The following HOXB6 variants were observed in gnomAD, a reference collection of about 807,000 sequenced individuals.
The protein encoded by HOXB6 is homeobox protein Hox-B6.
In HOXB6, 18 loss-of-function variants were observed where a neutral mutation model predicts 24.2. That is an observed-to-expected ratio of 0.74 (90% CI 0.51 to 1.10). The LOEUF (loss-of-function observed/expected upper bound fraction) is 1.10, where lower values mean the gene tolerates loss of function less well. Ranked by LOEUF, HOXB6 falls within the 50% of genes least tolerant of loss-of-function variation. The pLI, the probability that HOXB6 is intolerant of heterozygous loss-of-function variation, is 0.00. For missense variants in HOXB6, 332 were observed against 308.3 expected, an observed-to-expected ratio of 1.08 and a Z score of -0.58; for synonymous variants, 159 against 139.1, an observed-to-expected ratio of 1.14 and a Z score of -1.01.
Position 48,595,804 on chromosome 17 carries a change from T to TATC in HOXB6, c.*606_*608dup, listed in dbSNP as rs35307473. On this transcript the variant is annotated 3_prime_UTR_variant, in exon 4 of 4. Transcript: ENST00000225648. ...TTGTTGTTGTTATTATTATTATTAT[T>TATC]ATCATCATCATCATCATCATCATCA... 0.21 allele frequency: 40,472 copies of TATC among 190,436 alleles called. 4,873 individuals carry two copies. The highest frequency in any genetic ancestry group is 0.26 in the Non-Finnish European group (22,904 of 88,978). The allele number at this position is 190,436 out of a possible 1,614,324, so 11.8% of individuals were successfully genotyped here. A position where few individuals can be genotyped will look rare whatever the true frequency, so the allele number is the denominator to read the frequency against.
chr17:48,600,501 G>T (rs755818032), intron 2 of HOXB6: 1 of 455,906 alleles, frequency 2.2e-6, no homozygotes, highest in Non-Finnish European at 4.4e-6. Flanking sequence ...CTGGAGTCGG[G>T]CATGAAAGAA....
chr17:48,602,155 G>A (rs1035398508), intron 2 of HOXB6: 1 of 456,052 alleles, frequency 2.2e-6, no homozygotes, highest in South Asian at 1.5e-5. Flanking sequence ...CAGAAAATTC[G>A]GTTCAATTCC....
chr17:48,600,216 C>T (rs926143454), intron 2 of HOXB6, among the ~76,000 whole-genome samples: 2 of 152,086 alleles, frequency 1.3e-5, no homozygotes, highest in Non-Finnish European at 2.9e-5. Flanking sequence ...GGAGAGAGTA[C>T]CTGCATGCAC....
Position 48,597,736 on chromosome 17 carries a change from T to A in HOXB6, c.415A>T (p.Ser139Cys). Residue 139 changes from serine (S) to cysteine (C), a missense_variant and splice_region_variant, in exon 3 of 4, where the codon AGT (serine) becomes TGT (cysteine). Coordinates refer to ENST00000225648, the MANE Select transcript of HOXB6 (RefSeq NM_018952.5). ...PWMQRMNSCN[S>C]SSFGPSGRRG... ...GACGGCGACGGGAAGTCTCACTCAC[T>A]GTTGCACGAATTCATCCGCTGCATC... The A allele has an allele frequency of 1.2e-6, 2 of 1,612,696 alleles. No homozygotes were observed. Among genetic ancestry groups the A allele is most frequent in the Non-Finnish European group, 1.7e-6 (2 of 1,179,472 alleles).
intron 2 of HOXB6, chr17:48,600,599 G>C (rs1464747838): frequency 6.6e-6 from 3 of 452,220 alleles, no homozygotes; most frequent in Non-Finnish European, 1.3e-5. Context: ...AAGAGCAGGC[G>C]GGCAGGGCAG....
intron 2 of HOXB6, 142 bp downstream of exon 2, chr17:48,604,338 G>C (rs1007706392): frequency 1.3e-5 from 2 of 152,284 alleles, no homozygotes; most frequent in South Asian, 4.1e-4. Flanking sequence ...TGAATTTCCT[G>C]GGAAGCTTCT....
intron 3 of HOXB6, 66 bp downstream of exon 3, chr17:48,597,670 T>A (rs2070341213): frequency 6.5e-7 from 1 of 1,528,598 alleles, no homozygotes; most frequent in Non-Finnish European, 9.0e-7. Flanking sequence ...GGGCGCTCAC[T>A]AGTTCTGTGT....
At chr17:48,600,500 G>A (rs1380689701) in intron 2 of HOXB6, 1 of 455,898 alleles carries the variant, frequency 2.2e-6, no homozygotes, top group Middle Eastern at 3.4e-4. Flanking sequence ...CCTGGAGTCG[G>A]GCATGAAAGA....
In HOXB6 at chr17:48,598,101, C is replaced by T. The variant is rs2070364838; in HGVS notation, c.50G>A (p.Gly17Glu). The T allele has an allele frequency of 6.2e-7, 1 of 1,600,778 alleles. No individual in the cohort carries two copies. The highest frequency in any genetic ancestry group is 1.3e-5 in the African/African-American group (1 of 74,816). The change falls in exon 3 of 4, where the codon GGG becomes GAG. Residue 17 changes from glycine to glutamate, a missense_variant. Gly to Glu is a moderately conservative substitution (Grantham distance 98). Transcript: ENST00000225648. ...TAGCTGGCCCAGGAAGGACTCCTGCCCGCTGGCCAGAGTGACGGGGAAGGT... is the reference window on the plus strand; with the variant it reads ...TAGCTGGCCCAGGAAGGACTCCTGCTCGCTGGCCAGAGTGACGGGGAAGGT... ...NSTFPVTLAS[G>E]QESFLGQLPL...
intron 2 of HOXB6, chr17:48,601,476 A>G (rs2070461009): frequency 6.6e-6 from 1 of 152,482 alleles, no homozygotes; most frequent in Non-Finnish European, 1.5e-5. Flanking sequence ...ACCATGTACC[A>G]GCTTGACTTC....
intron 2 of HOXB6, among the ~76,000 whole-genome samples, chr17:48,603,389 A>C (rs2070514623): frequency 6.6e-6 from 1 of 152,194 alleles, no homozygotes; most frequent in Non-Finnish European, 1.5e-5. Context: ...ACTGAGGGAT[A>C]AAATTGGACA....
intron 2 of HOXB6, among the ~76,000 whole-genome samples, chr17:48,599,552 T>G (rs926392592): frequency 6.6e-6 from 1 of 152,218 alleles, no homozygotes; most frequent in African/African-American, 2.4e-5. Context: ...CCCTTCTGTC[T>G]GTATCTCAGC....
chr17:48,600,299 A>G (rs933997105), intron 2 of HOXB6: 3 of 366,220 alleles, frequency 8.2e-6, no homozygotes, highest in African/African-American at 2.1e-5. Context: ...CAATGTCTCC[A>G]TCCTAGCACT....
chr17:48,598,170 G>C lies in HOXB6; in HGVS notation c.-20C>G. The C allele has an allele frequency of 1.3e-6, 2 of 1,558,908 alleles. No homozygotes were observed. Among genetic ancestry groups the C allele is most frequent in the Non-Finnish European group, 1.7e-6 (2 of 1,149,502 alleles). On this transcript the variant is annotated 5_prime_UTR_variant, in exon 3 of 4. Transcript: ENST00000225648. The stretch of plus-strand genomic sequence containing the variant: ...ACTCATTGGGAGGGGAGGCGCGCGC[G>C]GCCGCTGCTGCTCCGCCGGGTTTAT...
In HOXB6 at chr17:48,596,089, C is replaced by T. The variant is rs1221090580; in HGVS notation, c.*324G>A. ...TGGACAAAATGAGACGCGACAGGGA[C>T]AAGAGCATTTTGCTCTGCTTCCAGG... On this transcript the variant is annotated 3_prime_UTR_variant, in exon 4 of 4. Transcript: ENST00000225648. This position sits in a 1 kb window ranked among gnomAD's most constrained non-coding sequence, Gnocchi z 4.8. 1 of 546,840 alleles carries T rather than the reference C, an allele frequency of 1.8e-6. No homozygotes were observed. The highest frequency in any genetic ancestry group is 3.5e-6 in the Non-Finnish European group (1 of 285,834). The allele number at this position is 546,840 out of a possible 1,614,324, so 33.9% of individuals were successfully genotyped here. A position where few individuals can be genotyped will look rare whatever the true frequency, so the allele number is the denominator to read the frequency against.
At chr17:48,600,671 C>T (rs1167609556) in intron 2 of HOXB6, 16 of 385,716 alleles carry the variant, frequency 4.1e-5, no homozygotes, top group African/African-American at 1.5e-4. Flanking sequence ...TTCGGTCCAC[C>T]GCCCTCTGTC....
chr17:48,596,187 G>GA lies in HOXB6; in HGVS notation c.*225dup, dbSNP rs1401431265. On this transcript the variant is annotated 3_prime_UTR_variant, in exon 4 of 4. Transcript: ENST00000225648. This position sits in a 1 kb window ranked among gnomAD's most constrained non-coding sequence, Gnocchi z 4.8. ...AGGCTGAGGCGAGTTCCTCGGGAAG[G>GA]AAGGGCGCGCGGGATGCTGGGTGGG... 1 of 711,188 alleles carries GA rather than the reference G, an allele frequency of 1.4e-6. No individual in the cohort carries two copies. Among genetic ancestry groups the GA allele is most frequent in the African/African-American group, 1.7e-5 (1 of 57,426 alleles). The allele number at this position is 711,188 out of a possible 1,614,324, so 44.1% of individuals were successfully genotyped here.
At chr17:48,602,227 G>A (rs2070484935) in intron 2 of HOXB6, 4 of 456,140 alleles carry the variant, frequency 8.8e-6, no homozygotes, top group Non-Finnish European at 1.3e-5. Context: ...GGAGAACACA[G>A]ACCCGGTTTG....
In HOXB6 at chr17:48,604,842, T is replaced by G. The variant is rs868552829; in HGVS notation, c.-215+20A>C. The stretch of plus-strand genomic sequence containing the variant: ...CCTTCTCTCCCTCTCCCTCTCGCGC[T>G]CTCTCTCTTTTCTCCTCACCCCCCT... On this transcript the variant is annotated intron_variant, in intron 1 of 3. Coordinates refer to ENST00000225648, the MANE Select transcript of HOXB6 (RefSeq NM_018952.5). 2.6e-4 allele frequency: 39 copies of G among 149,148 alleles called. No homozygotes were observed. Among genetic ancestry groups the G allele is most frequent in the African/African-American group, 8.9e-4 (36 of 40,566 alleles). The allele number at this position is 149,148 out of a possible 1,614,324, so 9.2% of individuals were successfully genotyped here. A position where few individuals can be genotyped will look rare whatever the true frequency, so the allele number is the denominator to read the frequency against.
Sources: gnomAD v4.1 joint callset for allele counts (sites outside exome capture counted in the v4.1 genomes callset) on GRCh38, gnomAD v4.1.1 for gene constraint, Gnocchi (gnomAD v3.1) non-coding constraint, MANE v1.5 for transcripts, NCBI Gene and HGNC (gene_info 2026-07-23, HGNC 2026-07-21) for gene names.